The following LRP1B variants were observed in gnomAD, a reference collection of about 807,000 sequenced individuals.
LRP1B encodes low-density lipoprotein receptor-related protein 1B.
LRP1B carries 217 observed loss-of-function variants against 556.6 expected under a neutral mutation model. The ratio of observed to expected loss-of-function variants is 0.39; its 90% CI spans 0.35 to 0.44. The LOEUF (loss-of-function observed/expected upper bound fraction) is 0.44, where lower values mean the gene tolerates loss of function less well. Ranked by LOEUF, LRP1B falls within the 20% of genes least tolerant of loss-of-function variation. The probability of loss-of-function intolerance (pLI) is 1.00; values close to 1 mark genes in which losing one functional copy is unlikely to be tolerated. For synonymous variants in LRP1B, 2,047 were observed against 1,865.8 expected, an observed-to-expected ratio of 1.10 and a Z score of -2.50; for missense variants, 5,053 against 5,620.8, an observed-to-expected ratio of 0.90 and a Z score of 3.23.
intron 20 of LRP1B, among the ~76,000 whole-genome samples, chr2:140,937,329 A>G (rs1695258663): frequency 6.6e-6 from 1 of 152,148 alleles, no homozygotes; most frequent in African/African-American, 2.4e-5. Flanking sequence ...TGTGCTGAGT[A>G]AAATAAATCA....
At chr2:140,624,744 A>C (rs504651) in intron 41 of LRP1B, among the ~76,000 whole-genome samples, 76,329 of 151,948 alleles carry the variant, frequency 0.5, 19,708 homozygotes, top group African/African-American at 0.62. Flanking sequence ...AGTTTATATT[A>C]TATATTGATG....
At chr2:142,001,128 G>A (rs1574580038) in intron 1 of LRP1B, among the ~76,000 whole-genome samples, 1 of 152,088 alleles carries the variant, frequency 6.6e-6, no homozygotes, top group Non-Finnish European at 1.5e-5. Context: ...ATGATTGTGA[G>A]GCCTCCCCAA....
At chr2:141,343,054 A>G (rs2105520708) in intron 3 of LRP1B, among the ~76,000 whole-genome samples, 1 of 152,280 alleles carries the variant, frequency 6.6e-6, no homozygotes, top group Admixed American at 6.5e-5. Context: ...GCCAGAAGAG[A>G]GTGGGGGCCA....
chr2:140,739,583 G>T (rs774176553), intron 35 of LRP1B, among the ~76,000 whole-genome samples: 4 of 152,070 alleles, frequency 2.6e-5, no homozygotes, highest in Admixed American at 6.6e-5. Flanking sequence ...CACATACTGA[G>T]TTTCTTATCA....
intron 31 of LRP1B, among the ~76,000 whole-genome samples, chr2:140,816,959 G>T (rs546271785): frequency 3.0e-4 from 46 of 152,154 alleles, no homozygotes; most frequent in African/African-American, 8.4e-4. Context: ...TCAGTTCTCT[G>T]TTGTGCTAAT....
chr2:140,420,939 T>C lies in LRP1B; in HGVS notation c.10414+21565A>G, dbSNP rs78246093. On this transcript the variant is annotated intron_variant, in intron 66 of 90. Coordinates refer to ENST00000389484, the MANE Select transcript of LRP1B (RefSeq NM_018557.3). ...GGGTATATACAACTTTTAAAACTTA[T>C]CAAATTGTACATTTTAAATATGTGT... Among the ~76,000 whole-genome samples the C allele has an allele frequency of 7.6e-3, 1,153 of 151,962 alleles. 5 individuals carry two copies. Among genetic ancestry groups the C allele is most frequent in the Middle Eastern group, 0.031 (9 of 294 alleles).
At chr2:140,946,854 C>A (rs982291909) in intron 20 of LRP1B, among the ~76,000 whole-genome samples, 1 of 152,046 alleles carries the variant, frequency 6.6e-6, no homozygotes, top group Non-Finnish European at 1.5e-5. Context: ...TAAAAAGGAA[C>A]AAATTATGTC....
At chr2:141,075,506 T>C (rs939870641) in intron 7 of LRP1B, among the ~76,000 whole-genome samples, 11 of 152,194 alleles carry the variant, frequency 7.2e-5, no homozygotes, top group African/African-American at 2.7e-4. Flanking sequence ...TTAGCATTCC[T>C]TCAGGAATCA....
chr2:141,667,265 C>T (rs573360828), intron 2 of LRP1B, among the ~76,000 whole-genome samples: 2 of 152,232 alleles, frequency 1.3e-5, no homozygotes, highest in East Asian at 3.9e-4. Context: ...GCAGAACTGG[C>T]ATAACCAGAA....
At chr2:140,550,429 AC>A (rs1184702887) in intron 43 of LRP1B, among the ~76,000 whole-genome samples, 1 of 152,090 alleles carries the variant, frequency 6.6e-6, no homozygotes, top group Non-Finnish European at 1.5e-5. Context: ...CCAAACTTCA[AC>A]CTTTTTAGAG....
chr2:140,458,574 T>G (rs950922321), intron 60 of LRP1B, among the ~76,000 whole-genome samples: 4 of 152,120 alleles, frequency 2.6e-5, no homozygotes, highest in Non-Finnish European at 5.9e-5. Flanking sequence ...TGTACTAATT[T>G]TGAGATGTAC....
chr2:140,931,841 CG>C (rs907982592), intron 20 of LRP1B, among the ~76,000 whole-genome samples: 2 of 148,358 alleles, frequency 1.3e-5, no homozygotes, highest in African/African-American at 5.1e-5. Context: ...TGTATTAATC[CG>C]CTGAATTGGC....
At chr2:141,135,306 G>A (rs995070294) in intron 7 of LRP1B, among the ~76,000 whole-genome samples, 7 of 151,926 alleles carry the variant, frequency 4.6e-5, no homozygotes, top group South Asian at 4.1e-4. Context: ...TTTTATCTGC[G>A]TAGCACAATG....
At chr2:140,394,128 T>TA (rs1438405112) in intron 66 of LRP1B, among the ~76,000 whole-genome samples, 1 of 140,552 alleles carries the variant, frequency 7.1e-6, no homozygotes, top group Non-Finnish European at 1.6e-5. Context: ...GCACATATTT[T>TA]TTTTTTTTTT....
chr2:140,608,126 A>G (rs1369430255), intron 41 of LRP1B, among the ~76,000 whole-genome samples: 1 of 152,184 alleles, frequency 6.6e-6, no homozygotes, highest in Non-Finnish European at 1.5e-5. Context: ...AACTAGAAAT[A>G]AAAATTTTCA....
At chr2:140,775,640 T>C (rs1689469042) in intron 33 of LRP1B, among the ~76,000 whole-genome samples, 1 of 151,956 alleles carries the variant, frequency 6.6e-6, no homozygotes, top group Non-Finnish European at 1.5e-5. Context: ...GTTATTTCTC[T>C]CACTCCATTT....
At chr2:141,475,833 T>C (rs12476820) in intron 3 of LRP1B, among the ~76,000 whole-genome samples, 145,750 of 152,124 alleles carry the variant, frequency 0.96, 70,145 homozygotes, top group East Asian at 1. Flanking sequence ...ACACCATCCC[T>C]TTTCCAGCTT....
In LRP1B at chr2:141,972,918, C is replaced by T. The variant is rs533471128; in HGVS notation, c.82+157730G>A. 1.9e-3 allele frequency among the ~76,000 whole-genome samples: 281 copies of T among 151,580 alleles called. 2 individuals are homozygous for T. Among genetic ancestry groups the T allele is most frequent in the Non-Finnish European group, 3.3e-3 (220 of 67,656 alleles). ...ATTAATAGACTCATAATACATACAT[C>T]GAATCCCCATAGACAATAACTTAAT... On this transcript the variant is annotated intron_variant, in intron 1 of 90. Transcript: ENST00000389484.
At chr2:140,626,928 T>C (rs985847967) in intron 41 of LRP1B, among the ~76,000 whole-genome samples, 1 of 152,184 alleles carries the variant, frequency 6.6e-6, no homozygotes, top group Non-Finnish European at 1.5e-5. Context: ...AGAACAACCA[T>C]GTTCTGCAAA....
Sources: allele counts gnomAD v4.1 joint callset (sites outside exome capture counted in the v4.1 genomes callset), GRCh38; gene constraint gnomAD v4.1.1; transcripts MANE v1.5; gene names NCBI Gene and HGNC (gene_info 2026-07-23, HGNC 2026-07-21).